Variants in LRP1B observed in about 807,000 individuals in gnomAD.
LRP1B encodes the protein low-density lipoprotein receptor-related protein 1B.
A neutral mutation model predicts 556.6 loss-of-function variants in LRP1B; 217 were observed. The observed-to-expected ratio is 0.39, with a 90% confidence interval of 0.35 to 0.44. The LOEUF (loss-of-function observed/expected upper bound fraction) is 0.44, where lower values mean the gene tolerates loss of function less well. Ranked by LOEUF, LRP1B falls within the 20% of genes least tolerant of loss-of-function variation. The pLI is 1.00. For missense variants in LRP1B, 5,053 were observed against 5,620.8 expected, an observed-to-expected ratio of 0.90 and a Z score of 3.23; for synonymous variants, 2,047 against 1,865.8, an observed-to-expected ratio of 1.10 and a Z score of -2.50.
intron 86 of LRP1B, among the ~76,000 whole-genome samples, chr2:140,250,018 G>A (rs1681337235): frequency 6.6e-6 from 1 of 151,750 alleles, no homozygotes; most frequent in South Asian, 2.1e-4. Flanking sequence ...TATTCCTCAA[G>A]CAAAATCCAT....
In LRP1B at chr2:142,018,630, A is replaced by T. The variant is rs185314207; in HGVS notation, c.82+112018T>A. Reference sequence around the variant, plus strand: ...TAATTTTCATTGAAAACAATACATAATCCTGACATAAAAAATTTTATTTGC... The same window carrying T: ...TAATTTTCATTGAAAACAATACATATTCCTGACATAAAAAATTTTATTTGC... On this transcript the variant is annotated intron_variant, in intron 1 of 90. Transcript: ENST00000389484. Among the ~76,000 whole-genome samples the T allele has an allele frequency of 5.0e-3, 764 of 152,148 alleles. 7 individuals are homozygous for T. The highest frequency in any genetic ancestry group is 0.018 in the African/African-American group (728 of 41,524).
chr2:140,751,975 A>G (rs1688595137), intron 35 of LRP1B, among the ~76,000 whole-genome samples: 1 of 151,968 alleles, frequency 6.6e-6, no homozygotes, highest in Admixed American at 6.6e-5. Context: ...TATAGACAGC[A>G]TTTTTTTTAG....
intron 82 of LRP1B, among the ~76,000 whole-genome samples, chr2:140,316,956 G>GC (rs1684549214): frequency 1.3e-5 from 2 of 152,056 alleles, no homozygotes; most frequent in African/African-American, 4.8e-5. Flanking sequence ...AAGTAAGCAA[G>GC]TAGCATTCTT....
At chr2:141,433,726 A>C (rs1362683830) in intron 3 of LRP1B, among the ~76,000 whole-genome samples, 1 of 150,106 alleles carries the variant, frequency 6.7e-6, no homozygotes, top group East Asian at 2.0e-4. Flanking sequence ...CTTTATGACT[A>C]TATGTCTGAG....
chr2:141,718,149 C>A (rs1234224607), intron 2 of LRP1B, among the ~76,000 whole-genome samples: 1 of 152,170 alleles, frequency 6.6e-6, no homozygotes, highest in South Asian at 2.1e-4. Flanking sequence ...AGACTCTTTG[C>A]ACACAGCTGG....
chr2:140,247,384 T>C (rs1681212111), intron 86 of LRP1B, among the ~76,000 whole-genome samples: 1 of 151,680 alleles, frequency 6.6e-6, no homozygotes, highest in East Asian at 1.9e-4. Context: ...AATGTAGATT[T>C]ATAGACATTT....
chr2:140,917,350 T>G (rs1381438372), intron 21 of LRP1B, among the ~76,000 whole-genome samples: 1 of 152,138 alleles, frequency 6.6e-6, no homozygotes, highest in Non-Finnish European at 1.5e-5. Flanking sequence ...TCCCTGGTCT[T>G]TACCCAAATG....
intron 7 of LRP1B, among the ~76,000 whole-genome samples, chr2:141,102,974 T>C (rs1224769651): frequency 6.6e-6 from 1 of 152,116 alleles, no homozygotes; most frequent in Non-Finnish European, 1.5e-5. Context: ...AAGATAATCT[T>C]TTCATCCTTA....
chr2:140,683,739 A>G, intron 41 of LRP1B: 2 of 920,118 alleles, frequency 2.2e-6, no homozygotes, highest in South Asian at 2.7e-5. Flanking sequence ...GGGCTAGTCG[A>G]TCCATAGCCT....
At chr2:142,031,506 TC>T (rs1395057943) in intron 1 of LRP1B, among the ~76,000 whole-genome samples, 1 of 93,034 alleles carries the variant, frequency 1.1e-5, no homozygotes, top group East Asian at 4.5e-4. Flanking sequence ...CCCACCACAG[TC>T]CCCAGAGTGT....
In LRP1B at chr2:140,702,190, C is replaced by T. The variant is rs770353559; in HGVS notation, c.6253G>A (p.Asp2085Asn). The change falls in exon 39 of 91, where the codon GAT (aspartate) becomes AAT (asparagine). Residue 2085 changes from aspartate (D) to asparagine (N), a missense_variant. Around this residue, in one of 5 missense-constraint regions of LRP1B, gnomAD observed 3,619 missense variants for 3,931.9 expected, o/e 0.92. Coordinates refer to ENST00000389484, the MANE Select transcript of LRP1B (RefSeq NM_018557.3). ...REMVLSGSNVDMFSVAVFGAY... is the reference protein window; with the variant it reads ...REMVLSGSNVNMFSVAVFGAY... The stretch of plus-strand genomic sequence containing the variant: ...CCAAAGACTGCAACTGAAAACATAT[C>T]CACATTGCTTCCTGACAGCACCATC... 19 of 1,613,588 alleles carry T rather than the reference C, an allele frequency of 1.2e-5. No homozygotes were observed. In the South Asian group the frequency reaches 2.1e-4, roughly 18 times the overall value.
At chr2:140,492,990 T>G (rs1215054495) in intron 56 of LRP1B, among the ~76,000 whole-genome samples, 1 of 152,188 alleles carries the variant, frequency 6.6e-6, no homozygotes, top group Non-Finnish European at 1.5e-5. Flanking sequence ...TGTTACAATC[T>G]GATTGTCTGC....
At chr2:140,388,381 T>C (rs1350579465) in intron 66 of LRP1B, among the ~76,000 whole-genome samples, 1 of 152,166 alleles carries the variant, frequency 6.6e-6, no homozygotes, top group African/African-American at 2.4e-5. Context: ...CTGCCAAAGG[T>C]TAATATTTGG....
At chr2:141,265,376 A>AC (rs1471122185) in intron 3 of LRP1B, among the ~76,000 whole-genome samples, 1 of 151,548 alleles carries the variant, frequency 6.6e-6, no homozygotes, top group African/African-American at 2.4e-5. Flanking sequence ...CTGCAGCGCG[A>AC]CCCCCTTCAA....
chr2:141,055,802 ATGTGTGTGTGTGTG>A (rs10664722), intron 9 of LRP1B, among the ~76,000 whole-genome samples: 32 of 145,440 alleles, frequency 2.2e-4, no homozygotes, highest in Non-Finnish European at 3.3e-4. Context: ...TTACCACAAA[ATGTGTGTGTGTGTG>A]TGTGTGTGTG....
At chr2:141,624,957 T>A (rs1384583834) in intron 2 of LRP1B, among the ~76,000 whole-genome samples, 1 of 151,738 alleles carries the variant, frequency 6.6e-6, no homozygotes, top group East Asian at 1.9e-4. Flanking sequence ...TTTAGTAGAG[T>A]CGGGGTTTCA....
chr2:141,256,081 TA>T (rs1258488840), intron 3 of LRP1B, among the ~76,000 whole-genome samples: 2 of 152,016 alleles, frequency 1.3e-5, no homozygotes, highest in African/African-American at 4.8e-5. Context: ...ACAATGTTTA[TA>T]AATCATAGTA....
At chr2:140,723,616 T>C (rs927278954) in intron 35 of LRP1B, among the ~76,000 whole-genome samples, 22 of 152,162 alleles carry the variant, frequency 1.4e-4, no homozygotes, top group Non-Finnish European at 2.6e-4. Flanking sequence ...CTAAGGAGCT[T>C]TGAAAAAGAT....
intron 54 of LRP1B, among the ~76,000 whole-genome samples, chr2:140,502,286 C>A (rs968949395): frequency 5.3e-5 from 8 of 152,044 alleles, no homozygotes; most frequent in African/African-American, 1.7e-4. Context: ...TTCCTAAATT[C>A]TTTTCTTCCT....
Sources: gnomAD v4.1 joint callset for allele counts (sites outside exome capture counted in the v4.1 genomes callset) on GRCh38, gnomAD v4.1.1 for gene constraint, gnomAD v4.1.1 regional missense constraint, MANE v1.5 for transcripts, NCBI Gene and HGNC (gene_info 2026-07-23, HGNC 2026-07-21) for gene names.